Variants in UBE2D3 observed in about 807,000 individuals in gnomAD.
UBE2D3 encodes ubiquitin-conjugating enzyme E2 D3.
Under a neutral mutation model 22.8 loss-of-function variants are expected in UBE2D3, and 2 were observed. The observed-to-expected ratio is 0.09, with a 90% confidence interval of 0.04 to 0.28. The LOEUF (loss-of-function observed/expected upper bound fraction) is 0.28. Among genes scored for constraint, UBE2D3 ranks in the 10% least tolerant of loss-of-function variants. The probability of loss-of-function intolerance (pLI) is 1.00; values close to 1 mark genes in which losing one functional copy is unlikely to be tolerated. For synonymous variants in UBE2D3, 56 were observed against 60.4 expected (o/e 0.93, Z 0.34); for missense variants, 27 against 182.5 (o/e 0.15, Z 4.91).
At chr4:102,825,136 A>T in intron 2 of UBE2D3, 1 of 544,496 alleles carries the variant, frequency 1.8e-6, no homozygotes, top group Non-Finnish European at 2.3e-6. Context: ...AATACAGGCA[A>T]ATGTAGTATC....
intron 6 of UBE2D3, among the ~76,000 whole-genome samples, chr4:102,800,677 A>G (rs956797793): frequency 1.1e-4 from 16 of 152,052 alleles, no homozygotes; most frequent in African/African-American, 3.9e-4. Flanking sequence ...AAGTGATTCT[A>G]CTCAATAAAG....
At chr4:102,853,773 A>G (rs904083052) in intron 1 of UBE2D3, among the ~76,000 whole-genome samples, 1 of 152,226 alleles carries the variant, frequency 6.6e-6, no homozygotes, top group Non-Finnish European at 1.5e-5. Flanking sequence ...ACAGTATCTG[A>G]ATGAACTATC....
intron 1 of UBE2D3, among the ~76,000 whole-genome samples, chr4:102,863,067 T>A (rs1732973697): frequency 6.6e-6 from 1 of 152,064 alleles, no homozygotes; most frequent in Non-Finnish European, 1.5e-5. Flanking sequence ...TTTTCTTTTT[T>A]TGAGACAGAG....
intron 7 of UBE2D3, among the ~76,000 whole-genome samples, chr4:102,798,489 A>G (rs1038590042): frequency 6.6e-6 from 1 of 151,652 alleles, no homozygotes; most frequent in African/African-American, 2.4e-5. Context: ...AGGGAGCCAC[A>G]AAGTACAGCT....
chr4:102,810,370 C>CTT (rs34733097), intron 2 of UBE2D3: 24,824 of 136,682 alleles, frequency 0.18, 2,775 homozygotes, highest in African/African-American at 0.3. Flanking sequence ...TCAACTCAAC[C>CTT]TTTTTTTTTT....
upstream of UBE2D3, chr4:102,827,581 C>G: frequency 1.0e-6 from 1 of 986,996 alleles, no homozygotes. Flanking sequence ...CGCCCCTCCC[C>G]CTCCTCCTGC....
In UBE2D3 at chr4:102,825,281, G is replaced by T. The variant is rs972604911; in HGVS notation, c.24+1204C>A. ...TCTAGTAAGGCTGAATTTATTCCAT[G>T]ACATTTTTTTCAAGTTAGCTGTAAA... On this transcript the variant is annotated intron_variant, in intron 2 of 7. Coordinates refer to ENST00000453744, the MANE Select transcript of UBE2D3 (RefSeq NM_181891.3). 8.1e-6 allele frequency: 8 copies of T among 986,164 alleles called. No homozygotes were observed. The African/African-American group carries it at 1.4e-4, about 17-fold the overall frequency. The allele number at this position is 986,164 out of a possible 1,614,324, so 61.1% of individuals were successfully genotyped here.
chr4:102,847,577 G>A (rs544542254), intron 1 of UBE2D3, among the ~76,000 whole-genome samples: 8 of 151,390 alleles, frequency 5.3e-5, no homozygotes, highest in Admixed American at 1.3e-4. Context: ...GTGAGCCACC[G>A]CACCTGGTCA....
intron 2 of UBE2D3, chr4:102,811,899 CACAATATCAATGCATCCGTGTATA>C (rs569921475): frequency 2.1e-5 from 7 of 341,086 alleles, no homozygotes; most frequent in African/African-American, 1.6e-4. Flanking sequence ...AACTGTCTAC[CACAATATCAATGCATCCGTGTATA>C]ACTAAAAACA....
At chr4:102,838,739 C>T (rs1278969825) in intron 1 of UBE2D3, among the ~76,000 whole-genome samples, 3 of 114,582 alleles carry the variant, frequency 2.6e-5, no homozygotes, top group Non-Finnish European at 5.0e-5. Context: ...TCTGTGGTCT[C>T]AAGTAAAAGC....
At chr4:102,827,907 C>T, upstream of UBE2D3, 2 of 985,612 alleles carry the variant, frequency 2.0e-6, no homozygotes, top group Non-Finnish European at 2.4e-6. Flanking sequence ...CGATCCAGCC[C>T]CACGCCCCTC....
chr4:102,847,775 C>T (rs1318168340), intron 1 of UBE2D3, among the ~76,000 whole-genome samples: 1 of 152,030 alleles, frequency 6.6e-6, no homozygotes, highest in Non-Finnish European at 1.5e-5. Flanking sequence ...TCCTGAGTTG[C>T]TGGGATAACA....
chr4:102,802,299 G>T (rs766859976), intron 5 of UBE2D3: 2 of 279,516 alleles, frequency 7.2e-6, no homozygotes, highest in South Asian at 1.6e-4. Flanking sequence ...CAGAATCTGT[G>T]TAACAATAAT....
At chr4:102,840,459 C>T (rs900592411) in intron 1 of UBE2D3, among the ~76,000 whole-genome samples, 3 of 152,144 alleles carry the variant, frequency 2.0e-5, no homozygotes, top group Non-Finnish European at 2.9e-5. Flanking sequence ...GTGAAATAAG[C>T]CAGGCACAGA....
At chr4:102,850,635 A>C (rs1411739191) in intron 1 of UBE2D3, among the ~76,000 whole-genome samples, 4 of 152,212 alleles carry the variant, frequency 2.6e-5, no homozygotes, top group African/African-American at 7.2e-5. Flanking sequence ...ACTTGTATCT[A>C]CCTACCACAA....
intron 2 of UBE2D3, chr4:102,825,190 A>T: frequency 2.1e-6 from 2 of 961,948 alleles, no homozygotes; most frequent in East Asian, 1.1e-4. Context: ...TCCTCTCAGA[A>T]CTCTTTTTAA....
At chr4:102,799,030 G>T (rs1198221586) in intron 7 of UBE2D3, 6 of 1,506,430 alleles carry the variant, frequency 4.0e-6, no homozygotes, top group Admixed American at 1.7e-5. Flanking sequence ...AGTTATAATG[G>T]TTAAGTTGAA....
Position 102,797,304 on chromosome 4 carries a change from A to G in UBE2D3, c.*111T>C. Reference sequence around the variant, plus strand: ...AGGGAGGTAAACAAAAAATAAAATTAAAAAAGATGAGGTCTGATAGGGGAG... The same window carrying G: ...AGGGAGGTAAACAAAAAATAAAATTGAAAAAGATGAGGTCTGATAGGGGAG... On this transcript the variant is annotated 3_prime_UTR_variant, in exon 8 of 8. Transcript: ENST00000453744. 1.1e-6 allele frequency: 1 copy of G among 894,666 alleles called. No homozygotes were observed. The highest frequency in any genetic ancestry group is 1.9e-5 in the South Asian group (1 of 53,590). The allele number at this position is 894,666 out of a possible 1,614,324, so 55.4% of individuals were successfully genotyped here.
At chr4:102,852,416 G>A (rs1464470334) in intron 1 of UBE2D3, among the ~76,000 whole-genome samples, 1 of 152,122 alleles carries the variant, frequency 6.6e-6, no homozygotes, top group Non-Finnish European at 1.5e-5. Context: ...GTATATATAT[G>A]TTCATGTATA....
Sources: gnomAD v4.1 joint callset for allele counts (sites outside exome capture counted in the v4.1 genomes callset) on GRCh38, gnomAD v4.1.1 for gene constraint, MANE v1.5 for transcripts, NCBI Gene and HGNC (gene_info 2026-07-23, HGNC 2026-07-21) for gene names.